The following SERINC5 variants were observed in gnomAD, a reference collection of about 807,000 sequenced individuals.
SERINC5 encodes the protein chromosome 5 open reading frame 12.
SERINC5 carries 41 observed loss-of-function variants against 63.1 expected under a neutral mutation model. The observed-to-expected ratio is 0.65, with a 90% CI of 0.51 to 0.84. SERINC5 has a LOEUF of 0.84. Ranked by LOEUF, SERINC5 falls within the 40% of genes least tolerant of loss-of-function variation. The probability of loss-of-function intolerance (pLI) is 0.00; values close to 1 mark genes in which losing one functional copy is unlikely to be tolerated. For synonymous variants in SERINC5, 222 were observed against 215.2 expected (o/e 1.03, Z -0.28); for missense variants, 523 against 573.0 (o/e 0.91, Z 0.89).
At chr5:80,231,368 C>T (rs1182452253) in intron 1 of SERINC5, among the ~76,000 whole-genome samples, 1 of 152,224 alleles carries the variant, frequency 6.6e-6, no homozygotes. Flanking sequence ...CCAGTGACCA[C>T]TGCCACTGTA....
rs533292251 is a variant in SERINC5, at chr5:80,170,672, T to C, written c.552-1126A>G. Among the ~76,000 whole-genome samples the C allele has an allele frequency of 1.7e-3, 263 of 152,328 alleles. 2 individuals are homozygous for C. Among genetic ancestry groups the C allele is most frequent in the Non-Finnish European group, 9.3e-4 (63 of 68,036 alleles). ...TGAAAAAAGTGGCTCTTCACTGGGC[T>C]TCCCCAAGTTTTCTCCATAAACACA... On this transcript the variant is annotated intron_variant, in intron 5 of 11. Coordinates refer to ENST00000507668, the MANE Select transcript of SERINC5 (RefSeq NM_001174072.3).
intron 5 of SERINC5, among the ~76,000 whole-genome samples, chr5:80,174,408 A>AATAATAATAAT (rs1747885633): frequency 1.6e-5 from 1 of 60,946 alleles, no homozygotes; most frequent in Non-Finnish European, 3.6e-5. Flanking sequence ...ATAATAAAAG[A>AATAATAATAAT]AAAAGAAAAC....
At chr5:80,128,997 T>C (rs1276999775) in intron 11 of SERINC5, 3 of 152,208 alleles carry the variant, frequency 2.0e-5, no homozygotes, top group Non-Finnish European at 4.4e-5. Context: ...AACTCCTTGG[T>C]TCAAGACAGC....
At position 80,232,130 on chromosome 5, in the gene SERINC5, CAA is replaced by C. The variant is rs1321520835; in HGVS notation, c.27+23764_27+23765del. 3.5e-4 allele frequency among the ~76,000 whole-genome samples: 51 copies of C among 145,004 alleles called. No homozygotes were observed. The South Asian group carries it at 6.1e-3, about 17-fold the overall frequency. On this transcript the variant is annotated intron_variant, in intron 1 of 11. Coordinates refer to ENST00000507668, the MANE Select transcript of SERINC5 (RefSeq NM_001174072.3). ...AAAAAAAAAAAAAAAAAAGGCCGGG[CAA>C]GGTGGCTCACGCCTGTAATCCCAGC...
chr5:80,121,824 T>A (rs990923536), intron 11 of SERINC5, among the ~76,000 whole-genome samples: 1 of 151,950 alleles, frequency 6.6e-6, no homozygotes, highest in African/African-American at 2.4e-5. Context: ...GCCAGGCTCT[T>A]TTAAACAACT....
intron 5 of SERINC5, among the ~76,000 whole-genome samples, chr5:80,174,154 A>T (rs1184583374): frequency 6.6e-6 from 1 of 151,820 alleles, no homozygotes; most frequent in Non-Finnish European, 1.5e-5. Flanking sequence ...TTAACCCAGG[A>T]ATTCAAGATC....
intron 1 of SERINC5, among the ~76,000 whole-genome samples, chr5:80,205,138 A>C (rs2112496835): frequency 6.6e-6 from 1 of 152,334 alleles, no homozygotes; most frequent in South Asian, 2.1e-4. Context: ...ACAGCTGCAC[A>C]GATAAGGGAA....
At chr5:80,202,687 A>G (rs1001960605) in intron 2 of SERINC5, among the ~76,000 whole-genome samples, 199 bp downstream of exon 2, 2 of 152,236 alleles carry the variant, frequency 1.3e-5, no homozygotes, top group Non-Finnish European at 2.9e-5. Flanking sequence ...CTAAAGATCA[A>G]GCTGTTGATT....
intron 2 of SERINC5, among the ~76,000 whole-genome samples, chr5:80,198,165 T>C (rs1261172777): frequency 6.6e-6 from 1 of 152,064 alleles, no homozygotes; most frequent in Non-Finnish European, 1.5e-5. Context: ...ATCCCCCAGG[T>C]ATCAAATCTC....
At chr5:80,187,586 T>A (rs926976781) in intron 2 of SERINC5, among the ~76,000 whole-genome samples, 1 of 152,208 alleles carries the variant, frequency 6.6e-6, no homozygotes, top group Non-Finnish European at 1.5e-5. Context: ...AGTGATTGCC[T>A]TTGAGGCCCT....
intron 1 of SERINC5, among the ~76,000 whole-genome samples, chr5:80,207,585 T>C (rs1580169866): frequency 6.6e-6 from 1 of 152,218 alleles, no homozygotes; most frequent in East Asian, 1.9e-4. Context: ...TATTCTGTCA[T>C]TAAAGTCATA....
chr5:80,199,611 G>A (rs1190168667), intron 2 of SERINC5, among the ~76,000 whole-genome samples: 30 of 152,222 alleles, frequency 2.0e-4, no homozygotes, highest in Non-Finnish European at 1.5e-5. Flanking sequence ...GTAATCAGGT[G>A]TGAATATTAT....
Position 80,142,679 on chromosome 5 carries a change from T to C in SERINC5, c.*984A>G, listed in dbSNP as rs1015214496. The C allele has an allele frequency of 1.6e-4, 155 of 985,240 alleles. No homozygotes were observed. Among genetic ancestry groups the C allele is most frequent in the Middle Eastern group, 1.5e-3 (3 of 1,936 alleles). The allele number at this position is 985,240 out of a possible 1,614,324, so 61.0% of individuals were successfully genotyped here. On this transcript the variant is annotated 3_prime_UTR_variant, in exon 12 of 12. Transcript: ENST00000507668. ...CAAAACGACTTCCGCTTTTACAGTT[T>C]CAAAGGCCTCAAGGTGGAGAAAAAA...
chr5:80,221,411 C>T (rs546230379), intron 1 of SERINC5, among the ~76,000 whole-genome samples: 5 of 152,224 alleles, frequency 3.3e-5, no homozygotes, highest in African/African-American at 7.2e-5. Flanking sequence ...CGATCACACA[C>T]GACTTCAATA....
intron 9 of SERINC5, among the ~76,000 whole-genome samples, chr5:80,149,758 T>C (rs1030603117): frequency 6.6e-6 from 1 of 152,162 alleles, no homozygotes; most frequent in African/African-American, 2.4e-5. Flanking sequence ...TTAAGTGAAA[T>C]CACATAGGAA....
intron 1 of SERINC5, among the ~76,000 whole-genome samples, chr5:80,237,391 T>G (rs745725554): frequency 1.4e-4 from 21 of 151,974 alleles, no homozygotes; most frequent in Admixed American, 2.6e-4. Flanking sequence ...TGGGTTGCAG[T>G]GGTACAATCA....
rs1305148797 is a variant in SERINC5 at position 80,142,250 on chromosome 5, T to A, written c.*1413A>T. The A allele has an allele frequency of 1.0e-6, 1 of 985,352 alleles. No homozygotes were observed. Among genetic ancestry groups the A allele is most frequent in the Non-Finnish European group, 1.2e-6 (1 of 829,956 alleles). 61.0% of individuals were successfully genotyped at this position (985,352 alleles called of 1,614,324 possible). Reference sequence around the variant, plus strand: ...TTGGGTAGCTGCCGAAAGTCACGTTTCTGTATTACTTTGCAAGTACGTATT... The same window carrying A: ...TTGGGTAGCTGCCGAAAGTCACGTTACTGTATTACTTTGCAAGTACGTATT... On this transcript the variant is annotated 3_prime_UTR_variant, in exon 12 of 12. Transcript: ENST00000507668.
At chr5:80,230,023 G>C (rs1751367657) in intron 1 of SERINC5, among the ~76,000 whole-genome samples, 1 of 152,114 alleles carries the variant, frequency 6.6e-6, no homozygotes, top group Admixed American at 6.6e-5. Flanking sequence ...CAAACTCTGG[G>C]AGATTTACCT....
Position 80,150,904 on chromosome 5 carries a change from C to G in SERINC5, c.1031G>C (p.Arg344Pro). The change falls in exon 9 of 12, where the codon CGA becomes CCA. Residue 344 changes from arginine (R) to proline (P), a missense_variant. Arg to Pro is a moderately radical substitution (Grantham distance 103, BLOSUM62 -2). Transcript: ENST00000507668. ...TACCTCCAATTCAGGAGCTGCGTAT[C>G]GCCCCTGCAGAGCGTCAGAACTCGA... ...TRSSSDALQG[R>P]YAAPELEIAR... The G allele has an allele frequency of 1.2e-6, 2 of 1,612,836 alleles. No homozygotes were observed. The highest frequency in any genetic ancestry group is 1.7e-6 in the Non-Finnish European group (2 of 1,178,840).
Sources: allele counts gnomAD v4.1 joint callset (sites outside exome capture counted in the v4.1 genomes callset), GRCh38; gene constraint gnomAD v4.1.1; transcripts MANE v1.5; gene names NCBI Gene and HGNC (gene_info 2026-07-23, HGNC 2026-07-21).